Variants in MYH6 observed in about 807,000 individuals in gnomAD.
The protein encoded by MYH6 is myosin-6.
A neutral mutation model predicts 223.2 loss-of-function variants in MYH6; 126 were observed. The observed-to-expected ratio is 0.56, with a 90% CI of 0.49 to 0.65. The LOEUF is 0.65. Among genes scored for constraint, MYH6 ranks in the 30% least tolerant of loss-of-function variants. MYH6 has a pLI of 0.00. For missense variants in MYH6, 2,040 were observed against 2,536.4 expected, an observed-to-expected ratio of 0.80 and a Z score of 4.20; for synonymous variants, 978 against 1,010.2, an observed-to-expected ratio of 0.97 and a Z score of 0.61.
Position 23,386,517 on chromosome 14 carries a change from T to A in MYH6, c.4757A>T (p.Glu1586Val), listed in dbSNP as rs1566505816. 2 of 1,613,996 alleles carry A rather than the reference T, an allele frequency of 1.2e-6. No individual in the cohort carries two copies. Among genetic ancestry groups the A allele is most frequent in the Non-Finnish European group, 1.7e-6 (2 of 1,180,030 alleles). ...CCGCTGGTGGTTGCGCTTGGCCTGT[T>A]CCATCTCCTCGTCCTTCTCTGCCAG... ...RKLAEKDEEM[E>V]QAKRNHQRVV... The change falls in exon 33 of 39, where the codon GAA (glutamate) becomes GTA (valine). Residue 1586 changes from glutamate (E) to valine (V), a missense_variant. By Grantham distance (121) the Glu-to-Val change is moderately radical. Around this residue, in one of 4 missense-constraint regions of MYH6, gnomAD observed 1,203 missense variants for 1,400.2 expected, o/e 0.86. Coordinates refer to ENST00000405093, the MANE Select transcript of MYH6 (RefSeq NM_002471.4).
Position 23,386,124 on chromosome 14 carries a change from TG to T in MYH6, c.4966del (p.Gln1656ArgfsTer14). On this transcript the variant is annotated frameshift_variant, in exon 34 of 39. Transcript: ENST00000405093. LOFTEE classifies it high-confidence loss of function. ...ACGGACCGCATCGTCCAGCTGGATCTGGGTGTCCTGAGCATCAGGAGAGTGG... is the reference window on the plus strand; with the variant it reads ...ACGGACCGCATCGTCCAGCTGGATCTGGTGTCCTGAGCATCAGGAGAGTGG... ...KSLQSLLKDT[Q>X]IQLDDAVRAN... 1 of 1,614,240 alleles carries T rather than the reference TG, an allele frequency of 6.2e-7. No homozygotes were observed. Among genetic ancestry groups the T allele is most frequent in the East Asian group, 2.2e-5 (1 of 44,884 alleles).
Position 23,397,027 on chromosome 14 carries a change from C to G in MYH6, c.2104G>C (p.Glu702Gln). The G allele has an allele frequency of 6.2e-7, 1 of 1,614,112 alleles. No individual in the cohort carries two copies. ...MHQLRCNGVLEGIRICRKGFP... is the reference protein window; with the variant it reads ...MHQLRCNGVLQGIRICRKGFP... ...CCCTTCCTGCAGATGCGGATGCCCT[C>G]CAGCACGCCATTGCAGCGCAGCTGG... Residue 702 changes from glutamate to glutamine, a missense_variant, in exon 18 of 39, where the codon GAG becomes CAG. Glu to Gln is a conservative substitution (Grantham distance 29). This residue lies in a region of MYH6 where 649 missense variants were observed against 877.3 expected (regional missense o/e 0.74). Transcript: ENST00000405093.
chr14:23,402,420 C>T lies in MYH6; in HGVS notation c.1141+44G>A, dbSNP rs1162128298. The T allele has an allele frequency of 4.3e-6, 7 of 1,610,154 alleles. No homozygotes were observed. In the Admixed American group the frequency reaches 1.0e-4, roughly 23 times the overall value. Reference sequence around the variant, plus strand: ...ATCTGAGTCCCGCAGAGAGCCTGGTCAGCACCTCAGGCCTTCCCAGGGCTG... The same window carrying T: ...ATCTGAGTCCCGCAGAGAGCCTGGTTAGCACCTCAGGCCTTCCCAGGGCTG... On this transcript the variant is annotated intron_variant, in intron 12 of 38. Transcript: ENST00000405093.
In MYH6 at chr14:23,382,529, G is replaced by A. The variant is rs371607892; in HGVS notation, c.5695C>T (p.Arg1899Cys). The A allele has an allele frequency of 7.4e-6, 12 of 1,614,150 alleles. No homozygotes were observed. Among genetic ancestry groups the A allele is most frequent in the East Asian group, 4.5e-5 (2 of 44,882 alleles). ...EQANTNLSKF[R>C]KVQHELDEAE... The stretch of plus-strand genomic sequence containing the variant: ...TCATCCAGCTCATGCTGCACCTTGC[G>A]GAACTTGGACAGGTTGGTGTTGGCT... Residue 1899 changes from arginine to cysteine, a missense_variant, in exon 38 of 39, where the codon CGC (arginine) becomes TGC (cysteine). Physicochemically the swap from Arg to Cys is radical, Grantham distance 180. Around this residue, in one of 4 missense-constraint regions of MYH6, gnomAD observed 1,203 missense variants for 1,400.2 expected, o/e 0.86. Transcript: ENST00000405093.
At chr14:23,394,433 C>G in intron 20 of MYH6, 110 bp from the exon 21 acceptor site, 1 of 1,355,842 alleles carries the variant, frequency 7.4e-7, no homozygotes, top group Non-Finnish European at 1.0e-6. Context: ...TGTGCACACC[C>G]ACCTCCAACA....
chr14:23,396,349 C>T lies in MYH6; in HGVS notation c.2364G>A (p.Thr788=), dbSNP rs779838927. The change falls in exon 20 of 39, where the codon ACG becomes ACA. Residue 788 remains threonine, a synonymous_variant. Transcript: ENST00000405093. The part of the protein sequence containing the change: ...MRDERLSRII[T]RMQAQARGQL... ...GGCCCCGGGCTTGGGCCTGCATGCG[C>T]GTGATGATGCGGCTCAGCCTCTCAT... 28 of 1,614,100 alleles carry T rather than the reference C, an allele frequency of 1.7e-5. No individual in the cohort carries two copies. The highest frequency in any genetic ancestry group is 8.5e-6 in the Non-Finnish European group (10 of 1,180,044).
At position 23,389,054 on chromosome 14, in the gene MYH6, G is replaced by A. The variant is rs148558068; in HGVS notation, c.3980C>T (p.Ala1327Val). 130 of 1,542,968 alleles carry A rather than the reference G, an allele frequency of 8.4e-5. No individual in the cohort carries two copies. In the African/African-American group the frequency reaches 2.1e-3, roughly 25 times the overall value. ...LKRQLEEEGKAKNALAHALQS... is the reference protein window; with the variant it reads ...LKRQLEEEGKVKNALAHALQS... ...CAGTGCATGGGCCAGGGCGTTCTTC[G>A]CCTGGGGAGGGGGGGGGGCACCAGG... The change falls in exon 29 of 39, where the codon GCG (alanine) becomes GTG (valine). Residue 1327 changes from alanine to valine, a missense_variant and splice_region_variant. Coordinates refer to ENST00000405093, the MANE Select transcript of MYH6 (RefSeq NM_002471.4).
intron 25 of MYH6, 78 bp downstream of exon 25, chr14:23,392,484 A>G: frequency 1.8e-6 from 2 of 1,101,450 alleles, no homozygotes; most frequent in South Asian, 1.2e-5. Context: ...ATTGTGTAGA[A>G]CCCTAAGCAG....
At position 23,392,874 on chromosome 14, in the gene MYH6, AC is replaced by A. The variant is rs759789660; in HGVS notation, c.3251+37del. ...CTGCACTCTATCTACCAGGCCAGAC[AC>A]CTCCATTAGCCCCTCCTGGCCACCA... On this transcript the variant is annotated intron_variant, in intron 24 of 38. Transcript: ENST00000405093. The A allele has an allele frequency of 1.9e-5, 31 of 1,610,890 alleles. No homozygotes were observed. In the African/African-American group the frequency reaches 3.9e-4, roughly 20 times the overall value.
chr14:23,393,157 G>A (rs762072748), intron 23 of MYH6, 100 bp from the exon 24 acceptor site: 145 of 1,540,100 alleles, frequency 9.4e-5, no homozygotes, highest in Non-Finnish European at 1.2e-4. Flanking sequence ...GGGATTGGAA[G>A]TCAAACCAAC....
intron 11 of MYH6, 34 bp from the exon 12 acceptor site, chr14:23,402,636 G>C: frequency 1.9e-6 from 3 of 1,613,730 alleles, no homozygotes; most frequent in Non-Finnish European, 1.7e-6. Context: ...AGGGGGGTTG[G>C]AGCGGTGGCC....
intron 38 of MYH6, 21 bp from the exon 39 acceptor site, chr14:23,382,084 G>T (rs1244322932): frequency 6.2e-7 from 1 of 1,609,774 alleles, no homozygotes; most frequent in Non-Finnish European, 8.5e-7. Flanking sequence ...AATAAGAGGT[G>T]TGAGGGGGCA....
rs1566512375 is a variant in MYH6 at position 23,397,944 on chromosome 14, T to TTCC, written c.1892-332_1892-331insGGA. Among the ~76,000 whole-genome samples the TTCC allele has an allele frequency of 1.1e-4, 7 of 64,476 alleles. 1 individual carries two copies. The highest frequency in any genetic ancestry group is 3.5e-4 in the African/African-American group (5 of 14,282). The allele number at this position is 64,476 out of a possible 152,430, so 42.3% of individuals were successfully genotyped here. On this transcript the variant is annotated intron_variant, in intron 15 of 38. Transcript: ENST00000405093. ...CCTCCTCCTCCTCCTCTTCTTCTTC[T>TTCC]TCTTCTTCTTCTTCTTCTTCTTCTT... is the stretch of plus-strand genomic sequence containing the variant.
rs766134513 is a variant in MYH6, at chr14:23,386,627, G to A, written c.4651-4C>T. 6.2e-7 allele frequency: 1 copy of A among 1,608,062 alleles called. No individual in the cohort carries two copies. The highest frequency in any genetic ancestry group is 1.7e-5 in the Admixed American group (1 of 59,884). Reference sequence around the variant, plus strand: ...CCTCCTCGTGCTCCAGGGAGGCCTGGGAAGGGGTGGGGCGAGGGCGGGCAG... The same window carrying A: ...CCTCCTCGTGCTCCAGGGAGGCCTGAGAAGGGGTGGGGCGAGGGCGGGCAG... On this transcript the variant is annotated splice_polypyrimidine_tract_variant and splice_region_variant and intron_variant, in intron 32 of 38. Coordinates refer to ENST00000405093, the MANE Select transcript of MYH6 (RefSeq NM_002471.4).
chr14:23,400,516 G>T (rs1294080820), intron 13 of MYH6, 90 bp from the exon 14 acceptor site: 1 of 1,604,632 alleles, frequency 6.2e-7, no homozygotes. Context: ...AGCCCAGCAG[G>T]GTATGGCTGT....
intron 9 of MYH6, 82 bp from the exon 10 acceptor site, chr14:23,403,528 C>T: frequency 7.9e-7 from 1 of 1,272,218 alleles, no homozygotes; most frequent in Non-Finnish European, 1.1e-6. Flanking sequence ...GGGCAGAGGG[C>T]AGGGGGCACC....
At chr14:23,390,558 C>T (rs1365630327) in intron 25 of MYH6, 112 bp from the exon 26 acceptor site, 1 of 1,534,048 alleles carries the variant, frequency 6.5e-7, no homozygotes, top group African/African-American at 1.4e-5. Context: ...TGGTTCTCAA[C>T]TAGGGGCAAT....
chr14:23,387,752 G>A lies in MYH6; in HGVS notation c.4525+6C>T, dbSNP rs1057523902. On this transcript the variant is annotated splice_donor_region_variant and intron_variant, in intron 31 of 38. Transcript: ENST00000405093. ...TCATCTCTGGCCTCTTGGACCCCCAGCACACCCTGAAGGTTCTTGTTCTCC... is the reference window on the plus strand; with the variant it reads ...TCATCTCTGGCCTCTTGGACCCCCAACACACCCTGAAGGTTCTTGTTCTCC... 9.3e-6 allele frequency: 15 copies of A among 1,613,864 alleles called. No individual in the cohort carries two copies. In the Admixed American group the frequency reaches 2.2e-4, roughly 23 times the overall value.
At position 23,407,824 on chromosome 14, in the gene MYH6, G is replaced by T. The variant is rs953632426; in HGVS notation, c.-46-216C>A. ...ATATGAGTGCGAGGGACGGGGTGTG[G>T]AAACAGGGTTAGAAGCAGAGAGGCA... On this transcript the variant is annotated intron_variant, in intron 1 of 38. Transcript: ENST00000405093. This position sits in a 1 kb window ranked among gnomAD's most constrained non-coding sequence, Gnocchi z 5.6. Among the ~76,000 whole-genome samples, 1 of 152,150 alleles carries T rather than the reference G, an allele frequency of 6.6e-6. No individual in the cohort carries two copies. The highest frequency in any genetic ancestry group is 2.4e-5 in the African/African-American group (1 of 41,430).
Sources: allele counts gnomAD v4.1 joint callset (sites outside exome capture counted in the v4.1 genomes callset), GRCh38; gene constraint gnomAD v4.1.1; regional missense constraint gnomAD v4.1.1; non-coding constraint Gnocchi (gnomAD v3.1); transcripts MANE v1.5; gene names NCBI Gene and HGNC (gene_info 2026-07-23, HGNC 2026-07-21).